UBE2E2: variants seen among roughly 807,000 people sequenced by gnomAD.
UBE2E2 encodes the protein ubiquitin-conjugating enzyme E2 E2.
UBE2E2 carries 6 observed loss-of-function variants against 24.7 expected under a neutral mutation model. The observed-to-expected ratio is 0.24, with a 90% CI of 0.13 to 0.48. The LOEUF (loss-of-function observed/expected upper bound fraction) is 0.48. UBE2E2 is among the 20% of genes least tolerant of loss of function. The pLI, the probability that UBE2E2 is intolerant of heterozygous loss-of-function variation, is 0.99. For missense variants in UBE2E2, 169 were observed against 245.0 expected (o/e 0.69, Z 2.07); for synonymous variants, 104 against 83.6 (o/e 1.24, Z -1.33).
chr3:23,562,882 G>A (rs1695969329), intron 5 of UBE2E2, among the ~76,000 whole-genome samples: 1 of 152,132 alleles, frequency 6.6e-6, no homozygotes, highest in African/African-American at 2.4e-5. Flanking sequence ...ATTCTCCGAT[G>A]GTAGTTTGTA....
intron 3 of UBE2E2, among the ~76,000 whole-genome samples, chr3:23,302,990 CAGG>C (rs1216737135): frequency 6.6e-6 from 1 of 152,188 alleles, no homozygotes; most frequent in African/African-American, 2.4e-5. Context: ...GGTGGCACAG[CAGG>C]AGGTGAGCCA....
At chr3:23,252,461 G>T (rs942338492) in intron 3 of UBE2E2, among the ~76,000 whole-genome samples, 2 of 151,872 alleles carry the variant, frequency 1.3e-5, no homozygotes, top group African/African-American at 4.8e-5. Flanking sequence ...CATTAAAATT[G>T]GTTTGCCAGT....
rs950476986 is a variant in UBE2E2 at position 23,522,583 on chromosome 3, TA to T, written c.361-9969del. Among the ~76,000 whole-genome samples, 3 of 152,306 alleles carry T rather than the reference TA, an allele frequency of 2.0e-5. No homozygotes were observed. The East Asian group carries it at 5.8e-4, about 29-fold the overall frequency. On this transcript the variant is annotated intron_variant, in intron 4 of 5. Transcript: ENST00000396703. ...ATTTCTGAACCCCTCCACTTTTTTT[TA>T]ACCCATTGAGAAGGAAACCTCTATA...
intron 3 of UBE2E2, among the ~76,000 whole-genome samples, chr3:23,419,532 T>C (rs73138449): frequency 0.042 from 6,330 of 152,212 alleles, 457 homozygotes; most frequent in African/African-American, 0.14. Flanking sequence ...CCCACCAGAA[T>C]TACCTGGGAA....
intron 3 of UBE2E2, among the ~76,000 whole-genome samples, chr3:23,311,126 T>A (rs574361231): frequency 6.6e-6 from 1 of 152,166 alleles, no homozygotes; most frequent in African/African-American, 2.4e-5. Flanking sequence ...TTTGTCCTTG[T>A]GATAGTTTGC....
chr3:23,338,263 A>G (rs532168533), intron 3 of UBE2E2, among the ~76,000 whole-genome samples: 2 of 152,288 alleles, frequency 1.3e-5, no homozygotes, highest in Admixed American at 1.3e-4. Context: ...AAACAACTTT[A>G]TGTGTAGTTT....
intron 3 of UBE2E2, among the ~76,000 whole-genome samples, chr3:23,254,287 C>G (rs1044689360): frequency 6.6e-6 from 1 of 152,170 alleles, no homozygotes; most frequent in African/African-American, 2.4e-5. Flanking sequence ...CCAACTGATG[C>G]TTACATCAAG....
intron 3 of UBE2E2, among the ~76,000 whole-genome samples, chr3:23,424,471 A>T (rs1350242608): frequency 1.3e-5 from 2 of 151,018 alleles, no homozygotes; most frequent in East Asian, 3.9e-4. Flanking sequence ...GCTTTAAGTG[A>T]TACTGAATTT....
intron 3 of UBE2E2, among the ~76,000 whole-genome samples, chr3:23,282,481 G>C (rs1698511898): frequency 6.6e-6 from 1 of 152,132 alleles, no homozygotes; most frequent in African/African-American, 2.4e-5. Flanking sequence ...GTCGGTAGCT[G>C]ATAAATTTAA....
chr3:23,353,940 GC>G (rs1163018694), intron 3 of UBE2E2, among the ~76,000 whole-genome samples: 1 of 152,114 alleles, frequency 6.6e-6, no homozygotes, highest in Non-Finnish European at 1.5e-5. Flanking sequence ...TCAGTCCTAA[GC>G]CAAAAGAACA....
At chr3:23,231,229 C>T (rs923861720) in intron 3 of UBE2E2, among the ~76,000 whole-genome samples, 1 of 152,176 alleles carries the variant, frequency 6.6e-6, no homozygotes, top group African/African-American at 2.4e-5. Context: ...TCTTTGCCCT[C>T]TTGAAACCAG....
At chr3:23,571,591 G>T (rs1696233149) in intron 5 of UBE2E2, among the ~76,000 whole-genome samples, 2 of 152,128 alleles carry the variant, frequency 1.3e-5, no homozygotes, top group Admixed American at 6.5e-5. Context: ...CCCAGCCTGT[G>T]CTCCCTTCTT....
chr3:23,507,301 T>C (rs183122843), intron 4 of UBE2E2, among the ~76,000 whole-genome samples: 4 of 152,294 alleles, frequency 2.6e-5, no homozygotes, highest in East Asian at 1.9e-4. Flanking sequence ...CTAGTATACT[T>C]GATTTTTTGC....
At chr3:23,371,545 A>G (rs1222767485) in intron 3 of UBE2E2, among the ~76,000 whole-genome samples, 1 of 152,160 alleles carries the variant, frequency 6.6e-6, no homozygotes, top group Non-Finnish European at 1.5e-5. Flanking sequence ...CTTTGTATTT[A>G]AGAGGTATAT....
intron 5 of UBE2E2, among the ~76,000 whole-genome samples, chr3:23,535,154 A>G (rs954423704): frequency 6.6e-6 from 1 of 152,130 alleles, no homozygotes; most frequent in African/African-American, 2.4e-5. Context: ...GGGTCACTTA[A>G]CTTTCCACAG....
intron 3 of UBE2E2, among the ~76,000 whole-genome samples, chr3:23,495,645 T>C (rs957279942): frequency 6.6e-6 from 1 of 152,194 alleles, no homozygotes; most frequent in Non-Finnish European, 1.5e-5. Context: ...TATCTATTCA[T>C]ATTGGGTTTA....
In UBE2E2 at chr3:23,280,731, T is replaced by C. The variant is rs976913445; in HGVS notation, c.227+63419T>C. Among the ~76,000 whole-genome samples the C allele has an allele frequency of 3.3e-5, 5 of 152,260 alleles. No homozygotes were observed. Among genetic ancestry groups the C allele is most frequent in the Non-Finnish European group, 7.3e-5 (5 of 68,050 alleles). On this transcript the variant is annotated intron_variant, in intron 3 of 5. Coordinates refer to ENST00000396703, the MANE Select transcript of UBE2E2 (RefSeq NM_152653.4). The surrounding 1 kb of genome is among the most constrained non-coding windows in gnomAD (Gnocchi z 4.3). ...ATTTATTGACTAAAGGAATGAGTACTGGAGACTAGCCTCTATGTTTCTTAC... is the reference window on the plus strand; with the variant it reads ...ATTTATTGACTAAAGGAATGAGTACCGGAGACTAGCCTCTATGTTTCTTAC...
At chr3:23,525,640 A>C (rs1250347216) in intron 4 of UBE2E2, among the ~76,000 whole-genome samples, 4 of 152,246 alleles carry the variant, frequency 2.6e-5, no homozygotes, top group Admixed American at 6.5e-5. Flanking sequence ...TATAAATGCC[A>C]ATGTAGGCGT....
At chr3:23,265,197 T>C (rs1176793548) in intron 3 of UBE2E2, among the ~76,000 whole-genome samples, 2 of 152,090 alleles carry the variant, frequency 1.3e-5, no homozygotes, top group African/African-American at 2.4e-5. Flanking sequence ...GAAGGAAGAA[T>C]TGAAGATTAG....
Sources: allele counts gnomAD v4.1 joint callset (sites outside exome capture counted in the v4.1 genomes callset), GRCh38; gene constraint gnomAD v4.1.1; non-coding constraint Gnocchi (gnomAD v3.1); transcripts MANE v1.5; gene names NCBI Gene and HGNC (gene_info 2026-07-23, HGNC 2026-07-21).